KSR1: variants seen among roughly 807,000 people sequenced by gnomAD.
The protein encoded by KSR1 is kinase suppressor of ras.
Under a neutral mutation model 92.9 loss-of-function variants are expected in KSR1, and 35 were observed. The ratio of observed to expected loss-of-function variants is 0.38; its 90% CI spans 0.29 to 0.50. The LOEUF is 0.50. Among genes scored for constraint, KSR1 ranks in the 20% least tolerant of loss-of-function variants. The pLI is 0.94. For missense variants in KSR1, 972 were observed against 1,158.5 expected (o/e 0.84, Z 2.34); for synonymous variants, 467 against 472.6 (o/e 0.99, Z 0.15).
intron 1 of KSR1, among the ~76,000 whole-genome samples, chr17:27,458,918 G>A (rs1048076356): frequency 4.6e-5 from 7 of 152,184 alleles, no homozygotes; most frequent in African/African-American, 1.7e-4. Flanking sequence ...CTGGAAGCTC[G>A]AAATTCTCTA....
intron 18 of KSR1, chr17:27,612,447 G>A (rs535268473): frequency 6.6e-6 from 1 of 152,342 alleles, no homozygotes; most frequent in Admixed American, 6.5e-5. Context: ...TTCGTACAAG[G>A]TTGCAGTTTT....
rs749662775 is a variant in KSR1, at chr17:27,456,663, G to T, written c.20G>T (p.Arg7Leu). Reference protein sequence around the residue: MDRAALRAAAMGEKKEG... With the variant: MDRAALLAAAMGEKKEG... ...CGAGGCATGGATAGAGCAGCGCTGC[G>T]CGCGGCGGCGATGGGAGAGAAGAAG... The change falls in exon 1 of 21, where the codon CGC becomes CTC. Residue 7 changes from arginine to leucine, a missense_variant. By Grantham distance (102) the Arg-to-Leu change is moderately radical (BLOSUM62 -2). Around this residue, in one of 5 missense-constraint regions of KSR1, gnomAD observed 36 missense variants for 16.0 expected, o/e 2.25. Transcript: ENST00000644974. 3.9e-5 allele frequency: 25 copies of T among 649,168 alleles called. 1 individual carries two copies. In the South Asian group the frequency reaches 4.5e-4, roughly 12 times the overall value. 40.2% of individuals were successfully genotyped at this position (649,168 alleles called of 1,614,324 possible). A position where few individuals can be genotyped will look rare whatever the true frequency, so the allele number is the denominator to read the frequency against.
chr17:27,597,190 G>A, intron 9 of KSR1, 78 bp from the exon 10 acceptor site: 2 of 1,444,872 alleles, frequency 1.4e-6, no homozygotes, highest in East Asian at 5.0e-5. Context: ...TTTCCAGATG[G>A]GGAAGGGAGG....
At chr17:27,478,072 T>C (rs2068398590) in intron 1 of KSR1, among the ~76,000 whole-genome samples, 1 of 152,204 alleles carries the variant, frequency 6.6e-6, no homozygotes, top group Non-Finnish European at 1.5e-5. Flanking sequence ...GAAGGAGTTC[T>C]TCTTTCTTTA....
chr17:27,463,517 G>C (rs1318966077), intron 1 of KSR1, among the ~76,000 whole-genome samples: 1 of 151,944 alleles, frequency 6.6e-6, no homozygotes, highest in East Asian at 1.9e-4. Flanking sequence ...CTGAGATTCT[G>C]GGATAAGTGT....
chr17:27,560,781 C>T (rs780003583), intron 2 of KSR1, among the ~76,000 whole-genome samples: 1 of 152,194 alleles, frequency 6.6e-6, no homozygotes, highest in Non-Finnish European at 1.5e-5. Context: ...CTCCTGTCGG[C>T]CCCATACTCT....
chr17:27,545,504 G>A (rs1420938394), intron 1 of KSR1, among the ~76,000 whole-genome samples: 1 of 152,182 alleles, frequency 6.6e-6, no homozygotes, highest in Non-Finnish European at 1.5e-5. Flanking sequence ...TGGGCAGCAT[G>A]GCAAGACCCC....
At position 27,554,949 on chromosome 17, in the gene KSR1, G is replaced by A. The variant is rs149079906; in HGVS notation, c.372+4241G>A. Among the ~76,000 whole-genome samples, 152 of 152,296 alleles carry A rather than the reference G, an allele frequency of 1.0e-3. 1 individual carries two copies. The highest frequency in any genetic ancestry group is 3.0e-3 in the African/African-American group (125 of 41,558). On this transcript the variant is annotated intron_variant, in intron 2 of 20. Coordinates refer to ENST00000644974, the MANE Select transcript of KSR1 (RefSeq NM_001394583.1). ...CTCACCCAGTTTCCCCATCATTAACGTTGTCGTGACCACAGTGCCTTTGTC... is the reference window on the plus strand; with the variant it reads ...CTCACCCAGTTTCCCCATCATTAACATTGTCGTGACCACAGTGCCTTTGTC...
chr17:27,499,385 T>TA (rs1429446783), intron 1 of KSR1, among the ~76,000 whole-genome samples: 1 of 152,170 alleles, frequency 6.6e-6, no homozygotes, highest in African/African-American at 2.4e-5. Context: ...TTGAAGTAGC[T>TA]AAGAAGGGAG....
chr17:27,470,520 G>T (rs1171337758), intron 1 of KSR1, among the ~76,000 whole-genome samples: 2 of 152,160 alleles, frequency 1.3e-5, no homozygotes, highest in Admixed American at 1.3e-4. Flanking sequence ...GATTACAGGT[G>T]TGAGCCACTG....
At chr17:27,486,690 T>C (rs1007575271) in intron 1 of KSR1, among the ~76,000 whole-genome samples, 1 of 152,190 alleles carries the variant, frequency 6.6e-6, no homozygotes, top group Non-Finnish European at 1.5e-5. Flanking sequence ...GTCCCCTCCC[T>C]GAATTCTCCC....
In KSR1 at chr17:27,504,257, T is replaced by C. The variant is rs1419869789; in HGVS notation, c.232-46311T>C. ...AGCAGCTGTGCCCAGCCTGGCTCTG[T>C]GAGGCTGGTCCGCAGTCAGCCGGCC... is the stretch of plus-strand genomic sequence containing the variant. On this transcript the variant is annotated intron_variant, in intron 1 of 20. Transcript: ENST00000644974. 2.0e-5 allele frequency among the ~76,000 whole-genome samples: 3 copies of C among 152,298 alleles called. No homozygotes were observed. The East Asian group carries it at 5.8e-4, about 29-fold the overall frequency.
intron 10 of KSR1, among the ~76,000 whole-genome samples, chr17:27,599,852 T>C (rs1345645605): frequency 1.3e-5 from 2 of 152,126 alleles, no homozygotes; most frequent in Non-Finnish European, 2.9e-5. Flanking sequence ...TTTTTTCTAT[T>C]TTTAAAATCC....
intron 9 of KSR1, among the ~76,000 whole-genome samples, chr17:27,595,632 T>C (rs1468679627): frequency 2.6e-5 from 3 of 116,316 alleles, no homozygotes; most frequent in African/African-American, 9.9e-5. Context: ...ACTTTCTCCC[T>C]TCACCCCCCT....
intron 1 of KSR1, among the ~76,000 whole-genome samples, chr17:27,485,034 A>G (rs1440551355): frequency 6.6e-6 from 1 of 152,110 alleles, no homozygotes; most frequent in African/African-American, 2.4e-5. Flanking sequence ...TTTCCCCAAG[A>G]GGGTTATTGG....
At chr17:27,506,910 C>T (rs1451698758) in intron 1 of KSR1, among the ~76,000 whole-genome samples, 4 of 152,050 alleles carry the variant, frequency 2.6e-5, no homozygotes, top group Non-Finnish European at 4.4e-5. Flanking sequence ...AGAGAAGAGC[C>T]GCACACATGC....
Position 27,623,410 on chromosome 17 carries a change from C to T in KSR1, c.*18C>T, listed in dbSNP as rs374459720. The T allele has an allele frequency of 6.6e-4, 503 of 760,636 alleles. No individual in the cohort carries two copies. The highest frequency in any genetic ancestry group is 1.0e-3 in the Non-Finnish European group (418 of 415,696). The allele number at this position is 760,636 out of a possible 1,614,324, so 47.1% of individuals were successfully genotyped here. Reference sequence around the variant, plus strand: ...AGATGTAGCCAGCCATATGGTTTTTCGCTGCTGATCTCTTTCTTTTTAAAA... The same window carrying T: ...AGATGTAGCCAGCCATATGGTTTTTTGCTGCTGATCTCTTTCTTTTTAAAA... On this transcript the variant is annotated 3_prime_UTR_variant, in exon 21 of 21. Coordinates refer to ENST00000644974, the MANE Select transcript of KSR1 (RefSeq NM_001394583.1).
At chr17:27,531,516 G>A (rs1464293060) in intron 1 of KSR1, among the ~76,000 whole-genome samples, 5 of 151,962 alleles carry the variant, frequency 3.3e-5, no homozygotes, top group African/African-American at 7.3e-5. Context: ...ACTCGGATCC[G>A]TCATGGAAGA....
At chr17:27,587,193 T>C (rs2948548) in intron 5 of KSR1, 87,148 of 152,284 alleles carry the variant, frequency 0.57, 25,097 homozygotes, top group Admixed American at 0.67. Context: ...GTTTTGGTGG[T>C]CTTGGCTGCT....
Sources: allele counts gnomAD v4.1 joint callset (sites outside exome capture counted in the v4.1 genomes callset), GRCh38; gene constraint gnomAD v4.1.1; regional missense constraint gnomAD v4.1.1; transcripts MANE v1.5; gene names NCBI Gene and HGNC (gene_info 2026-07-23, HGNC 2026-07-21).